SFMBT2: variants seen among roughly 807,000 people sequenced by gnomAD.
SFMBT2 encodes scm-like with four MBT domains protein 2.
Under a neutral mutation model 110.1 loss-of-function variants are expected in SFMBT2, and 38 were observed. That is an observed-to-expected ratio of 0.35 (90% CI 0.27 to 0.45). The LOEUF (loss-of-function observed/expected upper bound fraction) is 0.45, where lower values mean the gene tolerates loss of function less well. SFMBT2 is among the 20% of genes least tolerant of loss of function. SFMBT2 has a pLI of 1.00. For missense variants in SFMBT2, 1,011 were observed against 1,094.9 expected (o/e 0.92, Z 1.08); for synonymous variants, 425 against 425.4 (o/e 1.00, Z 0.01).
At chr10:7,190,071 G>A (rs918231173) in intron 15 of SFMBT2, among the ~76,000 whole-genome samples, 5 of 152,194 alleles carry the variant, frequency 3.3e-5, no homozygotes, top group Admixed American at 1.3e-4. Flanking sequence ...TCAGCCCGGC[G>A]ACGGCCTTTT....
At chr10:7,330,176 G>C (rs925041527) in intron 4 of SFMBT2, among the ~76,000 whole-genome samples, 1 of 152,082 alleles carries the variant, frequency 6.6e-6, no homozygotes, top group East Asian at 1.9e-4. Context: ...CAACTGTGTA[G>C]CAGGCTATTT....
At chr10:7,273,929 A>T (rs958606038) in intron 7 of SFMBT2, among the ~76,000 whole-genome samples, 2 of 152,218 alleles carry the variant, frequency 1.3e-5, no homozygotes, top group African/African-American at 4.8e-5. Context: ...CCATTACTGG[A>T]TATATACCCA....
chr10:7,381,070 CACATACATACAT>C lies in SFMBT2; in HGVS notation c.100+717_100+728del, dbSNP rs34216043. Among the ~76,000 whole-genome samples, 834 of 149,494 alleles carry C rather than the reference CACATACATACAT, an allele frequency of 5.6e-3. 10 individuals are homozygous for C. Among genetic ancestry groups the C allele is most frequent in the African/African-American group, 0.018 (732 of 40,298 alleles). On this transcript the variant is annotated intron_variant, in intron 2 of 20. Transcript: ENST00000397167. ...CTCAAAACACACACACACACATACACACATACATACATACATACATACATACATACATACATA... is the reference window on the plus strand; with the variant it reads ...CTCAAAACACACACACACACATACACACATACATACATACATACATACATA...
At position 7,372,132 on chromosome 10, in the gene SFMBT2, G is replaced by A. The variant is rs181422898; in HGVS notation, c.101-1757C>T. 1.6e-3 allele frequency among the ~76,000 whole-genome samples: 238 copies of A among 152,040 alleles called. 2 individuals are homozygous for A. In the Middle Eastern group the frequency reaches 0.017, roughly 11 times the overall value. On this transcript the variant is annotated intron_variant, in intron 2 of 20. Coordinates refer to ENST00000397167, the MANE Select transcript of SFMBT2 (RefSeq NM_001387889.1). Reference sequence around the variant, plus strand: ...GGGGTTTCGCCATGTTGGGCAGACTGGTCTCGAATTCCCGACCTCAGGTGA... The same window carrying A: ...GGGGTTTCGCCATGTTGGGCAGACTAGTCTCGAATTCCCGACCTCAGGTGA...
chr10:7,393,015 A>G (rs1327788282), intron 1 of SFMBT2, among the ~76,000 whole-genome samples: 1 of 79,806 alleles, frequency 1.3e-5, no homozygotes, highest in Admixed American at 1.1e-4. Context: ...ATATATATAT[A>G]TATATATATA....
intron 7 of SFMBT2, among the ~76,000 whole-genome samples, chr10:7,261,517 G>A (rs927659665): frequency 2.0e-5 from 3 of 152,188 alleles, no homozygotes; most frequent in Non-Finnish European, 4.4e-5. Flanking sequence ...ATGACCAAAT[G>A]TTCTGATCCC....
intron 4 of SFMBT2, among the ~76,000 whole-genome samples, chr10:7,364,517 A>T (rs1844828496): frequency 6.6e-6 from 1 of 152,232 alleles, no homozygotes; most frequent in African/African-American, 2.4e-5. Flanking sequence ...AACAGCATAC[A>T]TTTTTACCAA....
At chr10:7,236,697 T>G (rs199982922) in intron 9 of SFMBT2, among the ~76,000 whole-genome samples, 1 of 119,712 alleles carries the variant, frequency 8.4e-6, no homozygotes, top group Non-Finnish European at 1.8e-5. Flanking sequence ...AAACTGCAAG[T>G]TTTAAAGAAA....
chr10:7,321,201 CTT>C lies in SFMBT2; in HGVS notation c.437-35249_437-35248del, dbSNP rs542174351. Among the ~76,000 whole-genome samples, 867 of 130,420 alleles carry C rather than the reference CTT, an allele frequency of 6.6e-3. 12 individuals are homozygous for C. The highest frequency in any genetic ancestry group is 0.023 in the African/African-American group (801 of 34,888). 85.6% of individuals were successfully genotyped at this position (130,420 alleles called of 152,430 possible). On this transcript the variant is annotated intron_variant, in intron 4 of 20. Coordinates refer to ENST00000397167, the MANE Select transcript of SFMBT2 (RefSeq NM_001387889.1). ...TTTCACTGAGGCATTTATGAGCATC[CTT>C]TTTTTTTTTTTTTTTTGAGACAGAG...
chr10:7,174,569 G>A (rs1470427796), intron 17 of SFMBT2, among the ~76,000 whole-genome samples: 1 of 152,232 alleles, frequency 6.6e-6, no homozygotes, highest in Non-Finnish European at 1.5e-5. Flanking sequence ...TTTATTATAT[G>A]AGATCCGGAG....
chr10:7,305,872 G>A (rs570339544), intron 4 of SFMBT2, among the ~76,000 whole-genome samples: 1 of 152,342 alleles, frequency 6.6e-6, no homozygotes, highest in Admixed American at 6.5e-5. Context: ...TCAGAACACA[G>A]CAGGAACAGT....
chr10:7,193,197 G>A (rs1325394565), intron 15 of SFMBT2, among the ~76,000 whole-genome samples: 1 of 152,178 alleles, frequency 6.6e-6, no homozygotes, highest in Non-Finnish European at 1.5e-5. Flanking sequence ...ACACAGGACA[G>A]GCCAGGTCTG....
intron 4 of SFMBT2, among the ~76,000 whole-genome samples, chr10:7,322,125 TA>T (rs756868278): frequency 9.2e-5 from 14 of 152,192 alleles, no homozygotes; most frequent in African/African-American, 1.9e-4. Flanking sequence ...AGGGACCCAC[TA>T]GGGGGGAATT....
intron 7 of SFMBT2, among the ~76,000 whole-genome samples, chr10:7,266,626 C>T (rs927475894): frequency 6.6e-6 from 1 of 152,208 alleles, no homozygotes; most frequent in Admixed American, 6.5e-5. Flanking sequence ...CACAGGGAGG[C>T]AGGAGCAAAA....
chr10:7,391,533 C>T (rs945221027), intron 1 of SFMBT2, among the ~76,000 whole-genome samples: 3 of 151,908 alleles, frequency 2.0e-5, no homozygotes, highest in East Asian at 3.9e-4. Context: ...GGCCGTGCCA[C>T]TGGAAGACTT....
intron 17 of SFMBT2, among the ~76,000 whole-genome samples, chr10:7,173,463 A>G (rs974195544): frequency 2.0e-5 from 3 of 152,228 alleles, no homozygotes; most frequent in African/African-American, 4.8e-5. Context: ...AAATTCACCA[A>G]GCACTTTTCC....
chr10:7,277,413 C>A, intron 6 of SFMBT2: 1 of 244,172 alleles, frequency 4.1e-6, no homozygotes, highest in Non-Finnish European at 6.6e-6. Context: ...CTGGCATTTG[C>A]AGTTATGACA....
At chr10:7,274,492 CTGA>C (rs1841703975) in intron 7 of SFMBT2, among the ~76,000 whole-genome samples, 1 of 152,194 alleles carries the variant, frequency 6.6e-6, no homozygotes, top group African/African-American at 2.4e-5. Context: ...CTCATGAGAT[CTGA>C]TGATAAGGGC....
At chr10:7,192,093 C>A (rs113294483) in intron 15 of SFMBT2, among the ~76,000 whole-genome samples, 1 of 152,168 alleles carries the variant, frequency 6.6e-6, no homozygotes, top group Admixed American at 6.5e-5. Flanking sequence ...TCCCTCAGCA[C>A]CCCAGACCAT....
Sources: allele counts gnomAD v4.1 joint callset (sites outside exome capture counted in the v4.1 genomes callset), GRCh38; gene constraint gnomAD v4.1.1; transcripts MANE v1.5; gene names NCBI Gene and HGNC (gene_info 2026-07-23, HGNC 2026-07-21).